The following EIPR1 variants were observed in gnomAD, a reference collection of about 807,000 sequenced individuals.
EIPR1 encodes the protein EARP and GARP complex-interacting protein 1.
Under a neutral mutation model 48.1 loss-of-function variants are expected in EIPR1, and 25 were observed. The observed-to-expected ratio is 0.52, with a 90% CI of 0.38 to 0.73. The LOEUF (loss-of-function observed/expected upper bound fraction) is 0.73. Ranked by LOEUF, EIPR1 falls within the 30% of genes least tolerant of loss-of-function variation. The pLI is 0.00. For synonymous variants in EIPR1, 204 were observed against 201.9 expected, an observed-to-expected ratio of 1.01 and a Z score of -0.09; for missense variants, 415 against 506.2, an observed-to-expected ratio of 0.82 and a Z score of 1.73.
chr2:3,201,757 C>T (rs1665043282), intron 5 of EIPR1, among the ~76,000 whole-genome samples: 1 of 152,160 alleles, frequency 6.6e-6, no homozygotes, highest in South Asian at 2.1e-4. Context: ...ACATTGCCAA[C>T]AGCAATGATG....
intron 3 of EIPR1, among the ~76,000 whole-genome samples, chr2:3,316,791 A>G (rs1411034612): frequency 6.6e-6 from 1 of 152,254 alleles, no homozygotes; most frequent in Non-Finnish European, 1.5e-5. Context: ...TTGGCCTCAC[A>G]GCCCCCTGAC....
intron 2 of EIPR1, among the ~76,000 whole-genome samples, chr2:3,347,250 A>G (rs141921714): frequency 0.017 from 2,570 of 152,254 alleles, 58 homozygotes; most frequent in Admixed American, 0.053. Context: ...AGAATGGCCT[A>G]ATACACCAAC....
At chr2:3,313,445 G>C (rs1172301016) in intron 3 of EIPR1, among the ~76,000 whole-genome samples, 2 of 152,176 alleles carry the variant, frequency 1.3e-5, no homozygotes, top group Non-Finnish European at 2.9e-5. Context: ...TCAAAAGGTG[G>C]CTTGGGGCCA....
intron 3 of EIPR1, among the ~76,000 whole-genome samples, chr2:3,283,597 C>T (rs1341293261): frequency 1.3e-5 from 2 of 152,206 alleles, no homozygotes; most frequent in Non-Finnish European, 2.9e-5. Flanking sequence ...GACGCCCAGA[C>T]GGGCAGGAGA....
At chr2:3,373,873 AACT>A (rs1255095901) in intron 1 of EIPR1, among the ~76,000 whole-genome samples, 3 of 151,954 alleles carry the variant, frequency 2.0e-5, no homozygotes, top group African/African-American at 4.8e-5. Flanking sequence ...AATTAGAAAA[AACT>A]ACTTTAAAGT....
chr2:3,345,720 A>G (rs1395229834), intron 2 of EIPR1, among the ~76,000 whole-genome samples: 1 of 152,138 alleles, frequency 6.6e-6, no homozygotes, highest in South Asian at 2.1e-4. Flanking sequence ...AGAAGAAAAT[A>G]AAAAAGAAAG....
intron 3 of EIPR1, among the ~76,000 whole-genome samples, chr2:3,332,854 G>C (rs964973391): frequency 6.6e-6 from 1 of 152,198 alleles, no homozygotes; most frequent in African/African-American, 2.4e-5. Context: ...CAGATCAACA[G>C]CAGTTATAAA....
At chr2:3,210,828 G>T (rs898310829) in intron 5 of EIPR1, among the ~76,000 whole-genome samples, 2 of 151,828 alleles carry the variant, frequency 1.3e-5, no homozygotes, top group African/African-American at 4.8e-5. Context: ...TAGTAGAGAC[G>T]GGGTTTCACC....
At chr2:3,313,644 G>A (rs997580313) in intron 3 of EIPR1, among the ~76,000 whole-genome samples, 2 of 152,170 alleles carry the variant, frequency 1.3e-5, no homozygotes, top group Non-Finnish European at 2.9e-5. Flanking sequence ...TAAATTTATA[G>A]CCATTTTCAG....
chr2:3,334,556 G>A (rs975500556), intron 3 of EIPR1, among the ~76,000 whole-genome samples: 11 of 152,264 alleles, frequency 7.2e-5, no homozygotes, highest in African/African-American at 1.9e-4. Flanking sequence ...TGCGACCACT[G>A]CTGCAGATGA....
intron 1 of EIPR1, 105 bp from the exon 2 acceptor site, chr2:3,354,738 G>C: frequency 8.9e-7 from 1 of 1,124,628 alleles, no homozygotes; most frequent in Non-Finnish European, 1.3e-6. Flanking sequence ...TGTTGATAAA[G>C]TATAAATTAG....
Position 3,312,018 on chromosome 2 carries a change from A to G in EIPR1, c.259+25999T>C, listed in dbSNP as rs781385428. On this transcript the variant is annotated intron_variant, in intron 3 of 8. Coordinates refer to ENST00000382125, the MANE Select transcript of EIPR1 (RefSeq NM_003310.5). This position sits in a 1 kb window ranked among gnomAD's most constrained non-coding sequence, Gnocchi z 5.5. Reference sequence around the variant, plus strand: ...CTGGCGGTCACTCTCGTGCTGACATACAAATGACACCCTCCACCCTATAGC... The same window carrying G: ...CTGGCGGTCACTCTCGTGCTGACATGCAAATGACACCCTCCACCCTATAGC... Among the ~76,000 whole-genome samples the G allele has an allele frequency of 9.9e-5, 15 of 152,198 alleles. No individual in the cohort carries two copies. Among genetic ancestry groups the G allele is most frequent in the Non-Finnish European group, 2.1e-4 (14 of 68,022 alleles).
chr2:3,353,789 C>G (rs1223020903), intron 2 of EIPR1, among the ~76,000 whole-genome samples: 1 of 152,098 alleles, frequency 6.6e-6, no homozygotes, highest in Non-Finnish European at 1.5e-5. Context: ...GTGACAGTTT[C>G]ACTACATCCT....
At chr2:3,259,539 C>T (rs980285360) in intron 3 of EIPR1, among the ~76,000 whole-genome samples, 2 of 152,160 alleles carry the variant, frequency 1.3e-5, no homozygotes, top group South Asian at 2.1e-4. Context: ...GTTCATGTAG[C>T]GCTATTCACC....
chr2:3,280,559 G>A (rs775760750), intron 3 of EIPR1, among the ~76,000 whole-genome samples: 22 of 152,194 alleles, frequency 1.4e-4, no homozygotes, highest in Non-Finnish European at 2.5e-4. Context: ...AACCCTGACC[G>A]CGCCTGCAGA....
At chr2:3,348,382 G>C (rs537113641) in intron 2 of EIPR1, among the ~76,000 whole-genome samples, 12 of 152,280 alleles carry the variant, frequency 7.9e-5, no homozygotes, top group African/African-American at 2.6e-4. Context: ...ACATGAGAAA[G>C]AGGGGGGCAC....
At chr2:3,326,675 T>A (rs1669708525) in intron 3 of EIPR1, among the ~76,000 whole-genome samples, 1 of 152,142 alleles carries the variant, frequency 6.6e-6, no homozygotes, top group Non-Finnish European at 1.5e-5. Context: ...ACATTTCACT[T>A]CCAGGACACT....
At chr2:3,346,877 T>G (rs1011974038) in intron 2 of EIPR1, among the ~76,000 whole-genome samples, 2 of 152,158 alleles carry the variant, frequency 1.3e-5, no homozygotes, top group African/African-American at 4.8e-5. Context: ...CCTGACATAG[T>G]TTGGAAATTT....
intron 3 of EIPR1, among the ~76,000 whole-genome samples, chr2:3,287,798 C>T (rs113007118): frequency 0.33 from 48,611 of 147,552 alleles, 7,929 homozygotes; most frequent in Non-Finnish European, 0.34. Flanking sequence ...GCTCATTCAC[C>T]ATGCTCTAGA....
Sources: allele counts gnomAD v4.1 joint callset (sites outside exome capture counted in the v4.1 genomes callset), GRCh38; gene constraint gnomAD v4.1.1; non-coding constraint Gnocchi (gnomAD v3.1); transcripts MANE v1.5; gene names NCBI Gene and HGNC (gene_info 2026-07-23, HGNC 2026-07-21).